PLEKHM2: variants seen among roughly 807,000 people sequenced by gnomAD.
The protein encoded by PLEKHM2 is pleckstrin homology domain-containing family M member 2.
PLEKHM2 carries 77 observed loss-of-function variants against 116.3 expected under a neutral mutation model. The ratio of observed to expected loss-of-function variants is 0.66; its 90% CI spans 0.55 to 0.80. The LOEUF (loss-of-function observed/expected upper bound fraction) is 0.80. PLEKHM2 is among the 30% of genes least tolerant of loss of function. The pLI, the probability that PLEKHM2 is intolerant of heterozygous loss-of-function variation, is 0.00. For synonymous variants in PLEKHM2, 562 were observed against 571.0 expected (o/e 0.98, Z 0.22); for missense variants, 1,183 against 1,354.9 (o/e 0.87, Z 1.99).
At chr1:15,705,571 C>T (rs1444418665) in intron 1 of PLEKHM2, among the ~76,000 whole-genome samples, 1 of 152,128 alleles carries the variant, frequency 6.6e-6, no homozygotes, top group Admixed American at 6.5e-5. Context: ...CTGCTCAGAC[C>T]ATACCTCAGA....
At chr1:15,725,989 A>G (rs759264537) in intron 8 of PLEKHM2, 10 of 173,702 alleles carry the variant, frequency 5.8e-5, no homozygotes, top group Admixed American at 1.1e-4. Context: ...CCCTGATACC[A>G]TCACATTGGG....
At chr1:15,724,418 G>A (rs57510333) in intron 7 of PLEKHM2, among the ~76,000 whole-genome samples, 1 of 152,048 alleles carries the variant, frequency 6.6e-6, no homozygotes, top group African/African-American at 2.4e-5. Flanking sequence ...GGGAGTTGGA[G>A]GTTGTAGTGA....
chr1:15,721,508 C>A lies in PLEKHM2; in HGVS notation c.712+120C>A. On this transcript the variant is annotated intron_variant, in intron 7 of 19. Transcript: ENST00000375799. The surrounding 1 kb of genome is among the most constrained non-coding windows in gnomAD (Gnocchi z 5.1). ...AATAATATCCATAATCATAATAAAG[C>A]CAAGTTTGGTGTTCTAATAGATGGA... is the stretch of plus-strand genomic sequence containing the variant. 1 of 653,140 alleles carries A rather than the reference C, an allele frequency of 1.5e-6. No individual in the cohort carries two copies. The highest frequency in any genetic ancestry group is 2.6e-6 in the Non-Finnish European group (1 of 385,154). The allele number at this position is 653,140 out of a possible 1,614,324, so 40.5% of individuals were successfully genotyped here. A position where few individuals can be genotyped will look rare whatever the true frequency, so the allele number is the denominator to read the frequency against.
At chr1:15,694,651 G>A (rs567175197) in intron 1 of PLEKHM2, among the ~76,000 whole-genome samples, 6 of 152,190 alleles carry the variant, frequency 3.9e-5, no homozygotes, top group African/African-American at 1.4e-4. Flanking sequence ...TGATCTATCC[G>A]TTATTGAAAC....
chr1:15,726,665 G>A (rs776154039), intron 8 of PLEKHM2, among the ~76,000 whole-genome samples: 10 of 152,220 alleles, frequency 6.6e-5, no homozygotes, highest in Non-Finnish European at 1.2e-4. Flanking sequence ...AGTGGAGGGG[G>A]CATTGCCTGA....
Position 15,728,997 on chromosome 1 carries a change from G to A in PLEKHM2, c.1987-105G>A. 9.5e-7 allele frequency: 1 copy of A among 1,047,998 alleles called. No individual in the cohort carries two copies. The allele number at this position is 1,047,998 out of a possible 1,614,324, so 64.9% of individuals were successfully genotyped here. ...TGGGGCTTTACTTGGTGGTGGCCCG[G>A]GGTGTGCTTCTTCCTCCCCAGCAAG... On this transcript the variant is annotated intron_variant, in intron 12 of 19. Coordinates refer to ENST00000375799, the MANE Select transcript of PLEKHM2 (RefSeq NM_015164.4). This position sits in a 1 kb window ranked among gnomAD's most constrained non-coding sequence, Gnocchi z 5.9.
At chr1:15,723,780 C>T (rs769726538) in intron 7 of PLEKHM2, among the ~76,000 whole-genome samples, 15 of 149,878 alleles carry the variant, frequency 1.0e-4, no homozygotes, top group Non-Finnish European at 2.1e-4. Context: ...GGACGGTGTG[C>T]TGCATCAGCA....
chr1:15,692,931 G>T (rs1260363868), intron 1 of PLEKHM2, among the ~76,000 whole-genome samples: 5 of 151,576 alleles, frequency 3.3e-5, no homozygotes, highest in Non-Finnish European at 7.4e-5. Flanking sequence ...TAGAGATGGG[G>T]TTTCACCATG....
At chr1:15,724,457 T>TG (rs763363187) in intron 7 of PLEKHM2, among the ~76,000 whole-genome samples, 6 of 149,286 alleles carry the variant, frequency 4.0e-5, no homozygotes, top group Non-Finnish European at 8.9e-5. Flanking sequence ...CGCTTCAGCC[T>TG]GGCGACAGAG....
chr1:15,718,131 G>T (rs538620256), intron 4 of PLEKHM2, 139 bp downstream of exon 4: 3 of 651,124 alleles, frequency 4.6e-6, no homozygotes, highest in Middle Eastern at 2.5e-4. Flanking sequence ...CAGTAGCTGG[G>T]TAGCCTTCAC....
Position 15,725,434 on chromosome 1 carries a change from C to A in PLEKHM2, c.830C>A (p.Ala277Glu), listed in dbSNP as rs555141596. The A allele has an allele frequency of 4.1e-5, 64 of 1,563,238 alleles. No homozygotes were observed. Among genetic ancestry groups the A allele is most frequent in the Non-Finnish European group, 5.2e-5 (60 of 1,154,368 alleles). The change falls in exon 8 of 20, where the codon GCA becomes GAA. Residue 277 changes from alanine to glutamate, a missense_variant. Coordinates refer to ENST00000375799, the MANE Select transcript of PLEKHM2 (RefSeq NM_015164.4). Reference sequence around the variant, plus strand: ...CAGAACCCCTTCAACGAGGAGCCGGCAGAGACTGTGTCCTCCTCTGACACC... The same window carrying A: ...CAGAACCCCTTCAACGAGGAGCCGGAAGAGACTGTGTCCTCCTCTGACACC... ...QRQNPFNEEP[A>E]ETVSSSDTTP...
intron 1 of PLEKHM2, among the ~76,000 whole-genome samples, chr1:15,698,997 T>A (rs1432482697): frequency 6.6e-6 from 1 of 152,152 alleles, no homozygotes; most frequent in African/African-American, 2.4e-5. Flanking sequence ...TTCTAGGCTA[T>A]GGTGCAGTGG....
At chr1:15,715,773 A>G (rs1478867909) in intron 1 of PLEKHM2, among the ~76,000 whole-genome samples, 2 of 152,258 alleles carry the variant, frequency 1.3e-5, no homozygotes, top group Non-Finnish European at 2.9e-5. Context: ...AATAGGGCAA[A>G]ACAATAACAT....
At chr1:15,714,188 C>T (rs972545324) in intron 1 of PLEKHM2, among the ~76,000 whole-genome samples, 3 of 152,040 alleles carry the variant, frequency 2.0e-5, no homozygotes, top group African/African-American at 7.2e-5. Context: ...GATCCACCCG[C>T]CTTGGCTTCC....
chr1:15,681,584 TG>T (rs1364681380), upstream of PLEKHM2: 4 of 477,728 alleles, frequency 8.4e-6, no homozygotes, highest in South Asian at 3.0e-5. Context: ...GGGTCAGTTT[TG>T]GGGGACTGCA....
Position 15,727,928 on chromosome 1 carries a change from CCT to C in PLEKHM2, c.1760+97_1760+98del. 8.0e-7 allele frequency: 1 copy of C among 1,246,174 alleles called. No individual in the cohort carries two copies. Among genetic ancestry groups the C allele is most frequent in the South Asian group, 1.4e-5 (1 of 72,138 alleles). 77.2% of individuals were successfully genotyped at this position (1,246,174 alleles called of 1,614,324 possible). A position where few individuals can be genotyped will look rare whatever the true frequency, so the allele number is the denominator to read the frequency against. On this transcript the variant is annotated intron_variant, in intron 9 of 19. Coordinates refer to ENST00000375799, the MANE Select transcript of PLEKHM2 (RefSeq NM_015164.4). The surrounding 1 kb of genome is among the most constrained non-coding windows in gnomAD (Gnocchi z 7.5). ...CCAGATAAATTAAGCACTAGGAAGACCTAGCCTGAGTGAGAAGGGGTGTGAGC... is the reference window on the plus strand; with the variant it reads ...CCAGATAAATTAAGCACTAGGAAGACAGCCTGAGTGAGAAGGGGTGTGAGC...
At position 15,732,522 on chromosome 1, in the gene PLEKHM2, G is replaced by A. The variant is rs775776526; in HGVS notation, c.2798G>A (p.Cys933Tyr). 1.9e-6 allele frequency: 3 copies of A among 1,609,820 alleles called. No homozygotes were observed. The highest frequency in any genetic ancestry group is 1.7e-6 in the Non-Finnish European group (2 of 1,178,330). ...AVSTEPGKEY[C>Y]VLEFSQDSQQ... ...TCCACCGAGCCGGGCAAGGAGTACT[G>A]CGTCTTGGTGAGCTTTGAGTGGGGG... The change falls in exon 18 of 20, where the codon TGC (cysteine) becomes TAC (tyrosine). Residue 933 changes from cysteine (C) to tyrosine (Y), a missense_variant. Physicochemically the swap from Cys to Tyr is radical, Grantham distance 194. This residue lies in a region of PLEKHM2 where 594 missense variants were observed against 720.1 expected (regional missense o/e 0.82). Transcript: ENST00000375799.
chr1:15,714,725 C>T (rs1167660186), intron 1 of PLEKHM2, among the ~76,000 whole-genome samples: 6 of 152,224 alleles, frequency 3.9e-5, no homozygotes, highest in African/African-American at 1.2e-4. Flanking sequence ...CCAGAAAACA[C>T]TTGAGAATAC....
chr1:15,688,952 A>G (rs1640831264), intron 1 of PLEKHM2, among the ~76,000 whole-genome samples: 1 of 152,094 alleles, frequency 6.6e-6, no homozygotes, highest in Admixed American at 6.6e-5. Flanking sequence ...TATATGCCAT[A>G]AGAAGCAACC....
Sources: allele counts gnomAD v4.1 joint callset (sites outside exome capture counted in the v4.1 genomes callset), GRCh38; gene constraint gnomAD v4.1.1; regional missense constraint gnomAD v4.1.1; non-coding constraint Gnocchi (gnomAD v3.1); transcripts MANE v1.5; gene names NCBI Gene and HGNC (gene_info 2026-07-23, HGNC 2026-07-21).